Variants in CLPTM1 observed in about 807,000 individuals in gnomAD.
The protein encoded by CLPTM1 is putative lipid scramblase CLPTM1.
CLPTM1 carries 21 observed loss-of-function variants against 77.3 expected under a neutral mutation model. That is an observed-to-expected ratio of 0.27 (90% CI 0.19 to 0.39). CLPTM1 has a LOEUF of 0.39. Ranked by LOEUF, CLPTM1 falls within the 10% of genes least tolerant of loss-of-function variation. The probability of loss-of-function intolerance (pLI) is 1.00; values close to 1 mark genes in which losing one functional copy is unlikely to be tolerated. For missense variants in CLPTM1, 642 were observed against 921.2 expected (o/e 0.70, Z 3.92); for synonymous variants, 373 against 381.0 (o/e 0.98, Z 0.24).
At position 44,992,142 on chromosome 19, in the gene CLPTM1, A is replaced by C; in HGVS notation, c.1556-91A>C. On this transcript the variant is annotated intron_variant, in intron 12 of 13. Coordinates refer to ENST00000337392, the MANE Select transcript of CLPTM1 (RefSeq NM_001294.4). This position sits in a 1 kb window ranked among gnomAD's most constrained non-coding sequence, Gnocchi z 7.7. ...GTGGTAGAGTGTGCCCAGGTGTAGG[A>C]AGTGGTGAGGGGGCTGGTATGGCCA... 7.3e-7 allele frequency: 1 copy of C among 1,365,238 alleles called. No homozygotes were observed. The highest frequency in any genetic ancestry group is 1.3e-5 in the South Asian group (1 of 78,952). The allele number at this position is 1,365,238 out of a possible 1,614,324, so 84.6% of individuals were successfully genotyped here. A position where few individuals can be genotyped will look rare whatever the true frequency, so the allele number is the denominator to read the frequency against.
At chr19:44,985,023 G>A (rs1389299895) in intron 5 of CLPTM1, among the ~76,000 whole-genome samples, 195 bp from the exon 6 acceptor site, 1 of 152,118 alleles carries the variant, frequency 6.6e-6, no homozygotes, top group Non-Finnish European at 1.5e-5. Flanking sequence ...GCGTCCCCAT[G>A]ATCATGAGGA....
In CLPTM1 at chr19:44,987,401, A is replaced by G; in HGVS notation, c.1016A>G (p.Asp339Gly). The change falls in exon 8 of 14, where the codon GAT becomes GGT. Residue 339 changes from aspartate to glycine, a missense_variant. Physicochemically the swap from Asp to Gly is moderately conservative, Grantham distance 94 (BLOSUM62 -1). Around this residue, in one of 2 missense-constraint regions of CLPTM1, gnomAD observed 521 missense variants for 800.4 expected, o/e 0.65. Transcript: ENST00000337392. ...GGTGATGAGTTGTACGAGCAGTCAG[A>G]TGAGGAGCAGGACTCGGTGAAGGTG... Reference protein sequence around the residue: ...FLGDELYEQSDEEQDSVKVAL... With the variant: ...FLGDELYEQSGEEQDSVKVAL... 1 of 1,613,896 alleles carries G rather than the reference A, an allele frequency of 6.2e-7. No homozygotes were observed.
intron 9 of CLPTM1, among the ~76,000 whole-genome samples, chr19:44,989,694 CTG>C (rs1451890657): frequency 6.6e-6 from 1 of 152,174 alleles, no homozygotes; most frequent in Non-Finnish European, 1.5e-5. Flanking sequence ...GGCTCCACCA[CTG>C]TGCTACAGAC....
chr19:44,974,351 G>C, intron 3 of CLPTM1, 88 bp from the exon 4 acceptor site: 2 of 1,340,094 alleles, frequency 1.5e-6, no homozygotes, highest in Admixed American at 4.1e-5. Flanking sequence ...GTTCCCCTGA[G>C]TGTGCTGACC....
rs1444247176 is a variant in CLPTM1 at position 44,991,180 on chromosome 19, C to T, written c.1420-58C>T. The T allele has an allele frequency of 7.5e-6, 12 of 1,605,568 alleles. No individual in the cohort carries two copies. The East Asian group carries it at 1.6e-4, about 21-fold the overall frequency. On this transcript the variant is annotated intron_variant, in intron 11 of 13. Transcript: ENST00000337392. The surrounding 1 kb of genome is among the most constrained non-coding windows in gnomAD (Gnocchi z 5.4). ...AGGTGTGGTGGGTGAGGGCGGGGAG[C>T]AGGGCTGCCAGGCAGGGCTGAGGAG...
intron 7 of CLPTM1, 71 bp downstream of exon 7, chr19:44,986,646 TCTC>T: frequency 1.3e-6 from 2 of 1,566,160 alleles, no homozygotes; most frequent in Non-Finnish European, 1.7e-6. Flanking sequence ...CTCCTTGTCT[TCTC>T]CTGGCCCTGT....
chr19:44,977,522 A>C, intron 5 of CLPTM1, 62 bp downstream of exon 5: 6 of 1,271,544 alleles, frequency 4.7e-6, no homozygotes, highest in Non-Finnish European at 6.8e-6. Flanking sequence ...GGGAGCCCCC[A>C]GGCTAATGTG....
At position 44,992,832 on chromosome 19, in the gene CLPTM1, G is replaced by A. The variant is rs760671649; in HGVS notation, c.1945G>A (p.Ala649Thr). The A allele has an allele frequency of 1.2e-6, 2 of 1,613,550 alleles. No individual in the cohort carries two copies. The highest frequency in any genetic ancestry group is 2.2e-5 in the East Asian group (1 of 44,870). ...CCTGCCCACCAAGCCCACCCAGGGG[G>A]CCAGCTCTGCCAGCGAGCCCCAGGA... ...TSLPTKPTQGASSASEPQEAP... is the reference protein window; with the variant it reads ...TSLPTKPTQGTSSASEPQEAP... The change falls in exon 14 of 14, where the codon GCC (alanine) becomes ACC (threonine). Residue 649 changes from alanine (A) to threonine (T), a missense_variant. By Grantham distance (58) the Ala-to-Thr change is moderately conservative (BLOSUM62 0). Transcript: ENST00000337392. This position sits in a 1 kb window ranked among gnomAD's most constrained non-coding sequence, Gnocchi z 7.7.
chr19:44,964,270 CCATTTTAACCTATGTTTT>C (rs1970590771), intron 2 of CLPTM1, among the ~76,000 whole-genome samples: 2 of 146,744 alleles, frequency 1.4e-5, no homozygotes, highest in Non-Finnish European at 3.0e-5. Context: ...ATCAAATTTA[CCATTTTAACCTATGTTTT>C]CATTTTAACC....
rs768831683 is a variant in CLPTM1, at chr19:44,992,926, C to G, written c.*29C>G. The G allele has an allele frequency of 2.5e-6, 4 of 1,605,566 alleles. No individual in the cohort carries two copies. The Admixed American group carries it at 6.8e-5, about 27-fold the overall frequency. On this transcript the variant is annotated 3_prime_UTR_variant, in exon 14 of 14. Transcript: ENST00000337392. This position sits in a 1 kb window ranked among gnomAD's most constrained non-coding sequence, Gnocchi z 7.7. Reference sequence around the variant, plus strand: ...AGACTGGTCCTCACCTGCTCCGGCTCCTGGCGACCACTACCCCTGCGTCCC... The same window carrying G: ...AGACTGGTCCTCACCTGCTCCGGCTGCTGGCGACCACTACCCCTGCGTCCC...
At chr19:44,966,941 A>T (rs946152615) in intron 2 of CLPTM1, among the ~76,000 whole-genome samples, 1 of 151,848 alleles carries the variant, frequency 6.6e-6, no homozygotes, top group African/African-American at 2.4e-5. Flanking sequence ...TCCTAGGTTC[A>T]CGCCATTCTC....
intron 2 of CLPTM1, among the ~76,000 whole-genome samples, chr19:44,972,228 C>T (rs1970730085): frequency 6.6e-6 from 1 of 151,294 alleles, no homozygotes; most frequent in Non-Finnish European, 1.5e-5. Flanking sequence ...CCGTGTTTTG[C>T]TACCAAATAC....
At position 44,962,057 on chromosome 19, in the gene CLPTM1, T is replaced by C; in HGVS notation, c.167T>C (p.Ile56Thr). 1 of 1,608,752 alleles carries C rather than the reference T, an allele frequency of 6.2e-7. No homozygotes were observed. Among genetic ancestry groups the C allele is most frequent in the Non-Finnish European group, 8.5e-7 (1 of 1,177,976 alleles). Reference protein sequence around the residue: ...AQPAPNAWQVIKGVLFRIFII... With the variant: ...AQPAPNAWQVTKGVLFRIFII... ...CCGGCACCCAATGCCTGGCAGGTCATCAAAGGTGTGCTGTTTAGGTGAGCA... is the reference window on the plus strand; with the variant it reads ...CCGGCACCCAATGCCTGGCAGGTCACCAAAGGTGTGCTGTTTAGGTGAGCA... The change falls in exon 2 of 14, where the codon ATC becomes ACC. Residue 56 changes from isoleucine to threonine, a missense_variant. This residue lies in a region of CLPTM1 where 121 missense variants were observed against 120.8 expected (regional missense o/e 1.00). Transcript: ENST00000337392.
At chr19:44,955,370 C>T (rs1432195066), upstream of CLPTM1, 2 of 477,218 alleles carry the variant, frequency 4.2e-6, no homozygotes, top group Admixed American at 8.5e-5. Context: ...GGGCTGGCGG[C>T]GGGGGCGGGG....
intron 1 of CLPTM1, 153 bp downstream of exon 1, chr19:44,955,620 C>T (rs1187366367): frequency 1.4e-6 from 1 of 706,390 alleles, no homozygotes; most frequent in Admixed American, 4.4e-5. Context: ...CCGGACCGCC[C>T]GGGAGGCCGG....
Position 44,955,405 on chromosome 19 carries a change from G to A in CLPTM1, c.10G>A (p.Ala4Thr). 1 of 1,338,314 alleles carries A rather than the reference G, an allele frequency of 7.5e-7. No homozygotes were observed. The highest frequency in any genetic ancestry group is 2.0e-5 in the South Asian group (1 of 49,242). The allele number at this position is 1,338,314 out of a possible 1,614,324, so 82.9% of individuals were successfully genotyped here. ...GACCCGGAGCGGGAAGATGGCGGCG[G>A]CGCAGGAGGCGGACGGGGCCCGCAG... MAA[A>T]QEADGARSAV... The change falls in exon 1 of 14, where the codon GCG becomes ACG. Residue 4 changes from alanine (A) to threonine (T), a missense_variant. Transcript: ENST00000337392.
chr19:44,966,934 T>C (rs993078377), intron 2 of CLPTM1, among the ~76,000 whole-genome samples: 18 of 152,058 alleles, frequency 1.2e-4, no homozygotes, highest in Admixed American at 3.3e-4. Flanking sequence ...CTCCGCCTCC[T>C]AGGTTCACGC....
Position 44,993,083 on chromosome 19 carries a change from C to A in CLPTM1, c.*186C>A, listed in dbSNP as rs975010615. On this transcript the variant is annotated 3_prime_UTR_variant, in exon 14 of 14. Coordinates refer to ENST00000337392, the MANE Select transcript of CLPTM1 (RefSeq NM_001294.4). ...GCAGGCCAGGGTTTGTTTGTGGAGG[C>A]GCTGTCTGTCCCTCTGTCCCTCTGT... The A allele has an allele frequency of 2.5e-5, 18 of 733,780 alleles. No homozygotes were observed. In the African/African-American group the frequency reaches 2.9e-4, roughly 12 times the overall value. 45.5% of individuals were successfully genotyped at this position (733,780 alleles called of 1,614,324 possible). A position where few individuals can be genotyped will look rare whatever the true frequency, so the allele number is the denominator to read the frequency against.
chr19:44,968,060 A>T (rs1389648323), intron 2 of CLPTM1, among the ~76,000 whole-genome samples: 1 of 151,988 alleles, frequency 6.6e-6, no homozygotes, highest in African/African-American at 2.4e-5. Flanking sequence ...GATTTTTTTC[A>T]TTAACAATAT....
Sources: allele counts gnomAD v4.1 joint callset (sites outside exome capture counted in the v4.1 genomes callset), GRCh38; gene constraint gnomAD v4.1.1; regional missense constraint gnomAD v4.1.1; non-coding constraint Gnocchi (gnomAD v3.1); transcripts MANE v1.5; gene names NCBI Gene and HGNC (gene_info 2026-07-23, HGNC 2026-07-21).